Variants in KRTAP12-4 observed in about 807,000 individuals in gnomAD.
KRTAP12-4 encodes keratin associated protein 12-4, also known as keratin-associated protein 12-4.
For synonymous variants in KRTAP12-4, 58 were observed against 58.7 expected, an observed-to-expected ratio of 0.99 and a Z score of 0.05; for missense variants, 148 against 141.2, an observed-to-expected ratio of 1.05 and a Z score of -0.24.
In KRTAP12-4 at chr21:44,654,388, C is replaced by A; in HGVS notation, c.227G>T (p.Cys76Phe). Residue 76 changes from cysteine to phenylalanine, a missense_variant, in exon 1 of 1, where the codon TGC (cysteine) becomes TTC (phenylalanine). By Grantham distance (205) the Cys-to-Phe change is radical. Coordinates refer to ENST00000391618, the MANE Select transcript of KRTAP12-4 (RefSeq NM_198698.1). ...CQVACCVPVS[C>F]KPVLCVASFC... Reference sequence around the variant, plus strand: ...GGAAGCCACACACAAAACAGGCTTGCAGCTCACAGGCACACAGCAGGCCAC... The same window carrying A: ...GGAAGCCACACACAAAACAGGCTTGAAGCTCACAGGCACACAGCAGGCCAC... The A allele has an allele frequency of 6.2e-7, 1 of 1,614,218 alleles. No homozygotes were observed. The highest frequency in any genetic ancestry group is 8.5e-7 in the Non-Finnish European group (1 of 1,180,026).
At position 44,654,364 on chromosome 21, in the gene KRTAP12-4, G is replaced by A. The variant is rs1555942083; in HGVS notation, c.251C>T (p.Ser84Phe). The change falls in exon 1 of 1, where the codon TCC (serine) becomes TTC (phenylalanine). Residue 84 changes from serine (S) to phenylalanine (F), a missense_variant. Physicochemically the swap from Ser to Phe is radical, Grantham distance 155. Coordinates refer to ENST00000391618, the MANE Select transcript of KRTAP12-4 (RefSeq NM_198698.1). The part of the protein sequence containing the change: ...VSCKPVLCVA[S>F]FCPTSGCCQP... ...GCAGCACCCAGAGGTTGGGCAGAAG[G>A]AAGCCACACACAAAACAGGCTTGCA... 1.7e-5 allele frequency: 27 copies of A among 1,614,176 alleles called. No individual in the cohort carries two copies. Among genetic ancestry groups the A allele is most frequent in the Non-Finnish European group, 2.1e-5 (25 of 1,180,002 alleles).
chr21:44,654,597 G>A lies in KRTAP12-4; in HGVS notation c.18C>T (p.His6=), dbSNP rs782687807. The A allele has an allele frequency of 3.8e-5, 59 of 1,572,530 alleles. No homozygotes were observed. Among genetic ancestry groups the A allele is most frequent in the Non-Finnish European group, 5.1e-5 (59 of 1,157,824 alleles). The part of the protein sequence containing the change: MCHTS[H]SSGCPMACPG... Reference sequence around the variant, plus strand: ...GGCAGGCCATTGGGCAGCCCGAAGAGTGGCTGGTGTGGCACATGATGGAGT... The same window carrying A: ...GGCAGGCCATTGGGCAGCCCGAAGAATGGCTGGTGTGGCACATGATGGAGT... Residue 6 remains histidine (H), a synonymous_variant, in exon 1 of 1, where the codon CAC becomes CAT. Coordinates refer to ENST00000391618, the MANE Select transcript of KRTAP12-4 (RefSeq NM_198698.1).
rs781810492 is a variant in KRTAP12-4, at chr21:44,654,536, G to A, written c.79C>T (p.Pro27Ser). Residue 27 changes from proline to serine, a missense_variant, in exon 1 of 1, where the codon CCA (proline) becomes TCA (serine). By Grantham distance (74) the Pro-to-Ser change is moderately conservative. Transcript: ENST00000391618. ...SPCCVPSTCYPPEGYGTSCCC... is the reference protein window; with the variant it reads ...SPCCVPSTCYSPEGYGTSCCC... ...CAGGAGGTCCCATAGCCCTCGGGTG[G>A]GTAGCAGGTGCTGGGGACACAGCAC... 6 of 1,612,074 alleles carry A rather than the reference G, an allele frequency of 3.7e-6. No individual in the cohort carries two copies. In the South Asian group the frequency reaches 6.6e-5, roughly 18 times the overall value.
At position 44,654,646 on chromosome 21, in the gene KRTAP12-4, G is replaced by A. The variant is rs1354827746; in HGVS notation, c.-32C>T. On this transcript the variant is annotated 5_prime_UTR_variant, in exon 1 of 1. Coordinates refer to ENST00000391618, the MANE Select transcript of KRTAP12-4 (RefSeq NM_198698.1). ...GTGTGGACAGGTGGGGGGCGCAGAG[G>A]ACAGGGCTGGTCTGGAGCCTGCTTC... 5.6e-6 allele frequency: 8 copies of A among 1,436,788 alleles called. No homozygotes were observed. The highest frequency in any genetic ancestry group is 7.5e-6 in the Non-Finnish European group (8 of 1,064,654). 89.0% of individuals were successfully genotyped at this position (1,436,788 alleles called of 1,614,324 possible).
At position 44,654,469 on chromosome 21, in the gene KRTAP12-4, A is replaced by C; in HGVS notation, c.146T>G (p.Leu49Arg). The stretch of plus-strand genomic sequence containing the variant: ...CTGGCAGCAGGTGGATACCCCACAC[A>C]GGGGCCGGCACAGCAGAGCCACACA... ...APCVALLCRP[L>R]CGVSTCCQPA... The change falls in exon 1 of 1, where the codon CTG (leucine) becomes CGG (arginine). Residue 49 changes from leucine to arginine, a missense_variant. Physicochemically the swap from Leu to Arg is moderately radical, Grantham distance 102. Coordinates refer to ENST00000391618, the MANE Select transcript of KRTAP12-4 (RefSeq NM_198698.1). 6.2e-7 allele frequency: 1 copy of C among 1,613,926 alleles called. No homozygotes were observed. The highest frequency in any genetic ancestry group is 1.1e-5 in the South Asian group (1 of 91,050).
At position 44,654,332 on chromosome 21, in the gene KRTAP12-4, A is replaced by G; in HGVS notation, c.283T>C (p.Phe95Leu). The change falls in exon 1 of 1, where the codon TTC becomes CTC. Residue 95 changes from phenylalanine to leucine, a missense_variant. Transcript: ENST00000391618. ...FCPTSGCCQP[F>L]CPTLVYRPVT... ...GGTCTATAGACCAGGGTGGGGCAGA[A>G]GGGCTGGCAGCACCCAGAGGTTGGG... 3 of 1,614,106 alleles carry G rather than the reference A, an allele frequency of 1.9e-6. No individual in the cohort carries two copies. The highest frequency in any genetic ancestry group is 2.5e-6 in the Non-Finnish European group (3 of 1,179,958).
At position 44,654,291 on chromosome 21, in the gene KRTAP12-4, G is replaced by A; in HGVS notation, c.324C>T (p.Thr108=). ...GGCCACCTGCTCAGCAGCCAGTGGGGGTGCTCCAGGTGACAGGTCTATAGA... is the reference window on the plus strand; with the variant it reads ...GGCCACCTGCTCAGCAGCCAGTGGGAGTGCTCCAGGTGACAGGTCTATAGA... ...TLVYRPVTWS[T]PTGC The change falls in exon 1 of 1, where the codon ACC becomes ACT. Residue 108 remains threonine, a synonymous_variant. Coordinates refer to ENST00000391618, the MANE Select transcript of KRTAP12-4 (RefSeq NM_198698.1). 6.2e-7 allele frequency: 1 copy of A among 1,613,772 alleles called. No homozygotes were observed. The highest frequency in any genetic ancestry group is 8.5e-7 in the Non-Finnish European group (1 of 1,179,810).
In KRTAP12-4 at chr21:44,654,406, C is replaced by G. The variant is rs782325286; in HGVS notation, c.209G>C (p.Cys70Ser). The G allele has an allele frequency of 1.0e-4, 166 of 1,614,052 alleles. No individual in the cohort carries two copies. Among genetic ancestry groups the G allele is most frequent in the Non-Finnish European group, 1.3e-4 (157 of 1,180,022 alleles). Reference sequence around the variant, plus strand: ...AGGCTTGCAGCTCACAGGCACACAGCAGGCCACCTGGCAGGGGCTGGGCAC... The same window carrying G: ...AGGCTTGCAGCTCACAGGCACACAGGAGGCCACCTGGCAGGGGCTGGGCAC... ...CCVPSPCQVACCVPVSCKPVL... is the reference protein window; with the variant it reads ...CCVPSPCQVASCVPVSCKPVL... The change falls in exon 1 of 1, where the codon TGC (cysteine) becomes TCC (serine). Residue 70 changes from cysteine (C) to serine (S), a missense_variant. Transcript: ENST00000391618.
the KRTAP12-4 span, chr21:44,654,433 CA>C: frequency 6.2e-7 from 1 of 1,614,170 alleles, no homozygotes; most frequent in Non-Finnish European, 8.5e-7. Context: ...GCTGGGCACA[CA>C]GCAGGCTGGC....
chr21:44,654,514 G>GAGGTCCC, the KRTAP12-4 span: 1 of 1,613,564 alleles, frequency 6.2e-7, no homozygotes, highest in Non-Finnish European at 8.5e-7. Context: ...GCAGCAGCAG[G>GAGGTCCC]AGGTCCCATA....
In KRTAP12-4 at chr21:44,654,233, G is replaced by C; in HGVS notation, c.*43C>G. The C allele has an allele frequency of 2.0e-6, 3 of 1,503,428 alleles. No individual in the cohort carries two copies. The allele number at this position is 1,503,428 out of a possible 1,614,324, so 93.1% of individuals were successfully genotyped here. ...TGGCAGGAGTTCAGAGAGCCTGCTGGCTTCTGACCTCGCACCTACGAGGGT... is the reference window on the plus strand; with the variant it reads ...TGGCAGGAGTTCAGAGAGCCTGCTGCCTTCTGACCTCGCACCTACGAGGGT... On this transcript the variant is annotated 3_prime_UTR_variant, in exon 1 of 1. Coordinates refer to ENST00000391618, the MANE Select transcript of KRTAP12-4 (RefSeq NM_198698.1).
chr21:44,654,394 A>G lies in KRTAP12-4; in HGVS notation c.221T>C (p.Val74Ala). ...CACACACAAAACAGGCTTGCAGCTC[A>G]CAGGCACACAGCAGGCCACCTGGCA... ...SPCQVACCVP[V>A]SCKPVLCVAS... Residue 74 changes from valine (V) to alanine (A), a missense_variant, in exon 1 of 1, where the codon GTG becomes GCG. Val to Ala is a moderately conservative substitution (Grantham distance 64). Transcript: ENST00000391618. 6.2e-7 allele frequency: 1 copy of G among 1,613,192 alleles called. No individual in the cohort carries two copies. The highest frequency in any genetic ancestry group is 2.2e-5 in the East Asian group (1 of 44,884).
At position 44,654,401 on chromosome 21, in the gene KRTAP12-4, C is replaced by A. The variant is rs1984999135; in HGVS notation, c.214G>T (p.Val72Leu). 6.2e-7 allele frequency: 1 copy of A among 1,614,038 alleles called. No homozygotes were observed. The highest frequency in any genetic ancestry group is 8.5e-7 in the Non-Finnish European group (1 of 1,180,002). The change falls in exon 1 of 1, where the codon GTG (valine) becomes TTG (leucine). Residue 72 changes from valine to leucine, a missense_variant. By Grantham distance (32) the Val-to-Leu change is conservative. Coordinates refer to ENST00000391618, the MANE Select transcript of KRTAP12-4 (RefSeq NM_198698.1). ...VPSPCQVACC[V>L]PVSCKPVLCV... ...AAAACAGGCTTGCAGCTCACAGGCA[C>A]ACAGCAGGCCACCTGGCAGGGGCTG...
rs782791830 is a variant in KRTAP12-4, at chr21:44,654,607, T to A, written c.8A>T (p.His3Leu). MC[H>L]TSHSSGCPMA... ...TGGGCAGCCCGAAGAGTGGCTGGTG[T>A]GGCACATGATGGAGTGTGGACAGGT... is the stretch of plus-strand genomic sequence containing the variant. Residue 3 changes from histidine to leucine, a missense_variant, in exon 1 of 1, where the codon CAC (histidine) becomes CTC (leucine). Coordinates refer to ENST00000391618, the MANE Select transcript of KRTAP12-4 (RefSeq NM_198698.1). 1.3e-6 allele frequency: 2 copies of A among 1,556,388 alleles called. No homozygotes were observed. Among genetic ancestry groups the A allele is most frequent in the South Asian group, 2.4e-5 (2 of 82,200 alleles).
Position 44,654,585 on chromosome 21 carries a change from G to A in KRTAP12-4, c.30C>T (p.Cys10=), listed in dbSNP as rs782361114. Residue 10 remains cysteine (C), a synonymous_variant, in exon 1 of 1, where the codon TGC becomes TGT. Transcript: ENST00000391618. ...ACGGGGAGCCAGGGCAGGCCATTGGGCAGCCCGAAGAGTGGCTGGTGTGGC... is the reference window on the plus strand; with the variant it reads ...ACGGGGAGCCAGGGCAGGCCATTGGACAGCCCGAAGAGTGGCTGGTGTGGC... MCHTSHSSG[C]PMACPGSPCC... 3 of 1,594,576 alleles carry A rather than the reference G, an allele frequency of 1.9e-6. No individual in the cohort carries two copies. Among genetic ancestry groups the A allele is most frequent in the Non-Finnish European group, 1.7e-6 (2 of 1,169,302 alleles).
rs974070999 is a variant in KRTAP12-4 at position 44,654,544 on chromosome 21, G to A, written c.71C>T (p.Thr24Ile). The A allele has an allele frequency of 1.9e-6, 3 of 1,611,790 alleles. No individual in the cohort carries two copies. The highest frequency in any genetic ancestry group is 3.3e-5 in the Admixed American group (2 of 59,734). ...CCCATAGCCCTCGGGTGGGTAGCAG[G>A]TGCTGGGGACACAGCACGGGGAGCC... ...CPGSPCCVPS[T>I]CYPPEGYGTS... Residue 24 changes from threonine to isoleucine, a missense_variant, in exon 1 of 1, where the codon ACC becomes ATC. Physicochemically the swap from Thr to Ile is moderately conservative, Grantham distance 89. Coordinates refer to ENST00000391618, the MANE Select transcript of KRTAP12-4 (RefSeq NM_198698.1).
chr21:44,654,603 G>A lies in KRTAP12-4; in HGVS notation c.12C>T (p.Thr4=), dbSNP rs1555942212. 1.3e-6 allele frequency: 2 copies of A among 1,570,376 alleles called. No homozygotes were observed. The highest frequency in any genetic ancestry group is 1.8e-5 in the Admixed American group (1 of 55,618). Residue 4 remains threonine, a synonymous_variant, in exon 1 of 1, where the codon ACC becomes ACT. Transcript: ENST00000391618. ...CCATTGGGCAGCCCGAAGAGTGGCTGGTGTGGCACATGATGGAGTGTGGAC... is the reference window on the plus strand; with the variant it reads ...CCATTGGGCAGCCCGAAGAGTGGCTAGTGTGGCACATGATGGAGTGTGGAC... MCH[T]SHSSGCPMAC...
Position 44,654,480 on chromosome 21 carries a change from C to T in KRTAP12-4, c.135G>A (p.Leu45=), listed in dbSNP as rs1555942163. 2 of 1,613,950 alleles carry T rather than the reference C, an allele frequency of 1.2e-6. No individual in the cohort carries two copies. Among genetic ancestry groups the T allele is most frequent in the Non-Finnish European group, 1.7e-6 (2 of 1,179,906 alleles). The change falls in exon 1 of 1, where the codon CTG becomes CTA. Residue 45 remains leucine, a synonymous_variant. Transcript: ENST00000391618. ...TGGATACCCCACACAGGGGCCGGCA[C>T]AGCAGAGCCACACAGGGGGCTGAGC... ...CCCSAPCVAL[L]CRPLCGVSTC... is the part of the protein sequence containing the mutation.
chr21:44,654,468 CAG>C, the KRTAP12-4 span: 1 of 1,613,962 alleles, frequency 6.2e-7, no homozygotes, highest in South Asian at 1.1e-5. Context: ...ATACCCCACA[CAG>C]GGGCCGGCAC....
Sources: allele counts gnomAD v4.1 joint callset, GRCh38; gene constraint gnomAD v4.1.1; transcripts MANE v1.5; gene names NCBI Gene and HGNC (gene_info 2026-07-23, HGNC 2026-07-21).